C7orf57: variants seen among roughly 807,000 people sequenced by gnomAD.
C7orf57 encodes uncharacterized protein C7orf57.
In C7orf57, 33 loss-of-function variants were observed where a neutral mutation model predicts 39.0. That is an observed-to-expected ratio of 0.85 (90% CI 0.64 to 1.13). The LOEUF is 1.13. Ranked by LOEUF, C7orf57 falls within the 50% of genes most tolerant of loss-of-function variation. The pLI is 0.00. For missense variants in C7orf57, 346 were observed against 362.3 expected (o/e 0.95, Z 0.37); for synonymous variants, 124 against 137.1 (o/e 0.90, Z 0.67).
chr7:48,043,613 T>C (rs1191355210), intron 4 of C7orf57, 24 bp downstream of exon 4: 1 of 1,579,392 alleles, frequency 6.3e-7, no homozygotes, highest in East Asian at 2.2e-5. Context: ...AGCACTCACA[T>C]TTTTGTTTAT....
intron 7 of C7orf57, chr7:48,053,124 T>C: frequency 1.5e-6 from 1 of 686,748 alleles, no homozygotes; most frequent in African/African-American, 1.8e-5. Context: ...TTCAAATGAA[T>C]AGCGGAAGTC....
intron 5 of C7orf57, 87 bp from the exon 6 acceptor site, chr7:48,049,793 T>C (rs1790819795): frequency 2.2e-6 from 2 of 927,356 alleles, no homozygotes; most frequent in Non-Finnish European, 3.5e-6. Flanking sequence ...CTATAAGCTT[T>C]GTATCTTTGC....
chr7:48,042,138 T>C (rs1483539614), intron 3 of C7orf57, among the ~76,000 whole-genome samples: 1 of 152,228 alleles, frequency 6.6e-6, no homozygotes, highest in African/African-American at 2.4e-5. Flanking sequence ...CACTAACCTT[T>C]TTTCCCCTTT....
Position 48,042,626 on chromosome 7 carries a change from C to T in C7orf57, c.242-855C>T, listed in dbSNP as rs547243288. 1.2e-3 allele frequency among the ~76,000 whole-genome samples: 180 copies of T among 151,552 alleles called. No individual in the cohort carries two copies. In the South Asian group the frequency reaches 0.021, roughly 17 times the overall value. On this transcript the variant is annotated intron_variant, in intron 3 of 8. Coordinates refer to ENST00000348904, the MANE Select transcript of C7orf57 (RefSeq NM_001100159.3). The stretch of plus-strand genomic sequence containing the variant: ...AGGTCAGGGTATAGGGGAACTCATA[C>T]TATTCTTGCAATGTTTCTGTAAGTC...
At chr7:48,039,195 C>T (rs1383616171) in intron 2 of C7orf57, among the ~76,000 whole-genome samples, 13 of 152,284 alleles carry the variant, frequency 8.5e-5, no homozygotes, top group Middle Eastern at 6.8e-3. Context: ...AGGACCATTT[C>T]GAACTATGTC....
At chr7:48,041,206 G>A in intron 2 of C7orf57, 128 bp from the exon 3 acceptor site, 1 of 749,142 alleles carries the variant, frequency 1.3e-6, no homozygotes, top group Admixed American at 3.4e-5. Context: ...TTTCTTCCTT[G>A]CTAATGGGCT....
intron 8 of C7orf57, among the ~76,000 whole-genome samples, chr7:48,058,221 G>A (rs555442917): frequency 1.8e-4 from 28 of 152,264 alleles, no homozygotes; most frequent in African/African-American, 6.5e-4. Flanking sequence ...AATGAGTTTG[G>A]AAGTGTTCCT....
chr7:48,036,388 G>A (rs905588121), intron 2 of C7orf57, 25 bp downstream of exon 2: 3 of 1,551,816 alleles, frequency 1.9e-6, no homozygotes, highest in Non-Finnish European at 2.6e-6. Context: ...AGCGCGTCCC[G>A]GCCAGAAAGA....
chr7:48,039,062 A>G (rs892550879), intron 2 of C7orf57, among the ~76,000 whole-genome samples: 5 of 152,148 alleles, frequency 3.3e-5, no homozygotes, highest in African/African-American at 1.2e-4. Context: ...AGATGTGAAC[A>G]TCTCTTATCA....
Position 48,051,833 on chromosome 7 carries a change from T to TC in C7orf57, c.606-867_606-866insC, listed in dbSNP as rs769157346. ...TTTTCTCTTCTCTTTCTTTCTTTCT[T>TC]TCTTTCTTTCTTTCTTTCTTTCTTT... On this transcript the variant is annotated intron_variant, in intron 6 of 8. Transcript: ENST00000348904. Among the ~76,000 whole-genome samples, 346 of 63,532 alleles carry TC rather than the reference T, an allele frequency of 5.4e-3. 4 individuals are homozygous for TC. The highest frequency in any genetic ancestry group is 9.1e-3 in the Middle Eastern group (1 of 110). The allele number at this position is 63,532 out of a possible 152,430, so 41.7% of individuals were successfully genotyped here.
intron 4 of C7orf57, among the ~76,000 whole-genome samples, chr7:48,045,207 G>A (rs1464121991): frequency 6.6e-6 from 1 of 152,216 alleles, no homozygotes; most frequent in African/African-American, 2.4e-5. Context: ...AGAGTGGGAA[G>A]CTCAGGAGAA....
At chr7:48,056,277 A>G (rs1309583068) in intron 8 of C7orf57, among the ~76,000 whole-genome samples, 9 of 152,048 alleles carry the variant, frequency 5.9e-5, no homozygotes, top group Non-Finnish European at 1.3e-4. Flanking sequence ...AGAAATGTCT[A>G]TGTAAGTCCT....
Position 48,041,780 on chromosome 7 carries a change from T to C in C7orf57, c.241+261T>C, listed in dbSNP as rs1562623713. The stretch of plus-strand genomic sequence containing the variant: ...CTTCTGAGTAATGCCTTTGCGATGA[T>C]TCAACCCTTCCCTCACCCACTTTAT... On this transcript the variant is annotated intron_variant, in intron 3 of 8. Coordinates refer to ENST00000348904, the MANE Select transcript of C7orf57 (RefSeq NM_001100159.3). The C allele has an allele frequency of 1.3e-4, 32 of 246,314 alleles. No homozygotes were observed. In the East Asian group the frequency reaches 2.5e-3, roughly 19 times the overall value. 15.3% of individuals were successfully genotyped at this position (246,314 alleles called of 1,614,324 possible).
chr7:48,058,934 C>G (rs1791206259), intron 8 of C7orf57, among the ~76,000 whole-genome samples: 1 of 152,162 alleles, frequency 6.6e-6, no homozygotes, highest in South Asian at 2.1e-4. Flanking sequence ...TCAGCAAGAT[C>G]TGTTCAATTT....
rs377225568 is a variant in C7orf57, at chr7:48,060,250, C to G, written c.866C>G (p.Ser289Ter). 29 of 1,538,484 alleles carry G rather than the reference C, an allele frequency of 1.9e-5. No individual in the cohort carries two copies. The highest frequency in any genetic ancestry group is 1.4e-4 in the Admixed American group (7 of 51,292). The change falls in exon 9 of 9, where the codon TCA becomes TGA. Residue 289 changes from serine (S) to a stop codon, truncating the protein, a stop_gained. Transcript: ENST00000348904. LOFTEE classifies it high-confidence loss of function. ...GGCCCAGAAGAATCTGTATCTGCAT[C>G]AACACCAGCAGAGCTCAAATAAATC... Reference protein sequence around the residue: ...SQSPEESVSASTPAELK With the variant: ...SQSPEESVSA
chr7:48,045,400 G>A (rs772481648), intron 4 of C7orf57, among the ~76,000 whole-genome samples: 5 of 152,112 alleles, frequency 3.3e-5, no homozygotes, highest in Non-Finnish European at 7.4e-5. Context: ...TGTGCTCCCT[G>A]AGCAGCTCAG....
chr7:48,057,792 C>T (rs953221155), intron 8 of C7orf57, among the ~76,000 whole-genome samples: 6 of 152,026 alleles, frequency 3.9e-5, no homozygotes, highest in African/African-American at 1.4e-4. Context: ...TACATTTCCT[C>T]TATGCTTAAT....
intron 6 of C7orf57, among the ~76,000 whole-genome samples, chr7:48,051,524 G>C (rs1407198134): frequency 6.6e-6 from 1 of 151,244 alleles, no homozygotes; most frequent in African/African-American, 2.4e-5. Context: ...TTTTAGTAGA[G>C]ATGGTTTTTC....
chr7:48,041,041 G>C (rs1008448147), intron 2 of C7orf57, among the ~76,000 whole-genome samples: 1 of 152,100 alleles, frequency 6.6e-6, no homozygotes, highest in African/African-American at 2.4e-5. Flanking sequence ...CATGGGGCTT[G>C]GGTACCTCCC....
Sources: gnomAD v4.1 joint callset for allele counts (sites outside exome capture counted in the v4.1 genomes callset) on GRCh38, gnomAD v4.1.1 for gene constraint, MANE v1.5 for transcripts, NCBI Gene and HGNC (gene_info 2026-07-23, HGNC 2026-07-21) for gene names.